Variants in TENM2 observed in about 807,000 individuals in gnomAD.
TENM2 encodes the protein teneurin transmembrane protein 2, also known as teneurin-2.
In TENM2, 52 loss-of-function variants were observed where a neutral mutation model predicts 245.2. That is an observed-to-expected ratio of 0.21 (90% confidence interval 0.17 to 0.27). The LOEUF (loss-of-function observed/expected upper bound fraction) is 0.27. Among genes scored for constraint, TENM2 ranks in the 10% least tolerant of loss-of-function variants. The pLI, the probability that TENM2 is intolerant of heterozygous loss-of-function variation, is 1.00. For synonymous variants in TENM2, 1,363 were observed against 1,438.9 expected, an observed-to-expected ratio of 0.95 and a Z score of 1.19; for missense variants, 3,046 against 3,666.8, an observed-to-expected ratio of 0.83 and a Z score of 4.37.
intron 2 of TENM2, among the ~76,000 whole-genome samples, chr5:167,809,789 C>A (rs562905786): frequency 1.3e-5 from 2 of 151,902 alleles, no homozygotes; most frequent in African/African-American, 2.4e-5. Context: ...CATTGAAATG[C>A]GATCTTTATA....
the TENM2 span, among the ~76,000 whole-genome samples, chr5:167,242,039 G>GTTTTTTTTTTTTTTTTTTTTTTTTTT: frequency 7.1e-6 from 1 of 140,190 alleles, no homozygotes; most frequent in Non-Finnish European, 1.6e-5. Context: ...TTCTTTTTTT[G>GTTTTTTTTTTTTTTTTTTTTTTTTTT]TTTTTTGTTT....
chr5:167,652,680 A>G (rs1026379418), intron 2 of TENM2, among the ~76,000 whole-genome samples: 7 of 151,942 alleles, frequency 4.6e-5, no homozygotes, highest in Non-Finnish European at 1.0e-4. Context: ...ACTCCTCTCC[A>G]TGTCTCTCTT....
the TENM2 span, among the ~76,000 whole-genome samples, chr5:167,239,384 T>C: frequency 2.6e-5 from 4 of 152,214 alleles, no homozygotes; most frequent in African/African-American, 9.6e-5. Context: ...CTGGGGCTGT[T>C]CTTTCTATCA....
chr5:167,823,009 A>T (rs1009667761), intron 2 of TENM2, among the ~76,000 whole-genome samples: 36 of 152,206 alleles, frequency 2.4e-4, no homozygotes, highest in Admixed American at 1.4e-3. Flanking sequence ...CTTTGGAAAA[A>T]AATAGGTAAA....
intron 17 of TENM2, among the ~76,000 whole-genome samples, chr5:168,201,825 G>T (rs1047144749): frequency 4.6e-5 from 7 of 151,616 alleles, no homozygotes; most frequent in Non-Finnish European, 8.8e-5. Flanking sequence ...GAAGAAATTG[G>T]GTTGTACAAT....
chr5:167,606,110 G>A (rs1214768704), intron 2 of TENM2, among the ~76,000 whole-genome samples: 3 of 152,168 alleles, frequency 2.0e-5, no homozygotes, highest in Non-Finnish European at 4.4e-5. Context: ...ATCTTTACCT[G>A]TGTTCATCCA....
At chr5:167,678,493 C>T (rs1247234154) in intron 2 of TENM2, among the ~76,000 whole-genome samples, 1 of 152,064 alleles carries the variant, frequency 6.6e-6, no homozygotes. Flanking sequence ...TCCCTCTGTC[C>T]TCCCACCGGA....
chr5:167,852,719 G>A (rs1770696928), intron 2 of TENM2, among the ~76,000 whole-genome samples: 1 of 151,996 alleles, frequency 6.6e-6, no homozygotes, highest in South Asian at 2.1e-4. Context: ...CTGCATGATC[G>A]GCTCTTTTAT....
the TENM2 span, among the ~76,000 whole-genome samples, chr5:167,005,669 T>G: frequency 5.6e-5 from 8 of 142,338 alleles, no homozygotes; most frequent in African/African-American, 7.9e-5. Context: ...TTTTTTTTTT[T>G]TTTTTTTTTT....
chr5:167,501,835 T>A (rs2127557422), intron 2 of TENM2, among the ~76,000 whole-genome samples: 1 of 152,240 alleles, frequency 6.6e-6, no homozygotes, highest in African/African-American at 2.4e-5. Flanking sequence ...AGTAATCAAT[T>A]ATTGCAACAG....
At chr5:168,199,685 G>T (rs896797388) in intron 16 of TENM2, among the ~76,000 whole-genome samples, 179 bp from the exon 19 acceptor site, 1 of 152,094 alleles carries the variant, frequency 6.6e-6, no homozygotes, top group South Asian at 2.1e-4. Flanking sequence ...ATCACTCTAT[G>T]GTGGAAGATA....
chr5:168,111,991 G>A (rs932414392), intron 9 of TENM2, among the ~76,000 whole-genome samples: 2 of 152,006 alleles, frequency 1.3e-5, no homozygotes, highest in Admixed American at 6.6e-5. Context: ...TGTAAAACAT[G>A]AGAAAAAAAT....
At chr5:168,251,519 C>T (rs1382792291) in intron 27 of TENM2, among the ~76,000 whole-genome samples, 4 of 152,192 alleles carry the variant, frequency 2.6e-5, no homozygotes, top group African/African-American at 4.8e-5. Flanking sequence ...GAGAAGGAGC[C>T]GGACCAGGCA....
chr5:168,214,347 G>C (rs1763011004), intron 20 of TENM2, among the ~76,000 whole-genome samples: 1 of 152,202 alleles, frequency 6.6e-6, no homozygotes, highest in African/African-American at 2.4e-5. Context: ...AGCCCTGGCA[G>C]ACCGTGGCTC....
At chr5:167,859,574 G>C (rs1286740391) in intron 2 of TENM2, among the ~76,000 whole-genome samples, 1 of 91,218 alleles carries the variant, frequency 1.1e-5, no homozygotes, top group Non-Finnish European at 2.3e-5. Context: ...TCAGCCCCCC[G>C]CCTGGCCAGC....
At chr5:167,963,819 G>A (rs942490207) in intron 4 of TENM2, among the ~76,000 whole-genome samples, 12 of 152,038 alleles carry the variant, frequency 7.9e-5, no homozygotes, top group African/African-American at 2.9e-4. Flanking sequence ...CATTGGAGGG[G>A]CTGATTAAGG....
chr5:167,387,693 T>G (rs181463373), intron 2 of TENM2, among the ~76,000 whole-genome samples: 1 of 152,128 alleles, frequency 6.6e-6, no homozygotes, highest in East Asian at 1.9e-4. Context: ...GTATGTCCCT[T>G]GTATGCTGAT....
chr5:167,189,600 G>A, the TENM2 span, among the ~76,000 whole-genome samples: 1 of 145,892 alleles, frequency 6.9e-6, no homozygotes, highest in Non-Finnish European at 1.5e-5. Context: ...AGACAGTCTC[G>A]CCCTGTCACC....
chr5:167,996,849 G>A (rs185422326), intron 5 of TENM2, among the ~76,000 whole-genome samples: 185 of 151,840 alleles, frequency 1.2e-3, no homozygotes, highest in African/African-American at 4.3e-3. Context: ...AGTGATTCTC[G>A]TGCCTCAGCC....
Sources: allele counts gnomAD v4.1 joint callset (sites outside exome capture counted in the v4.1 genomes callset), GRCh38; gene constraint gnomAD v4.1.1; transcripts MANE v1.5; gene names NCBI Gene and HGNC (gene_info 2026-07-23, HGNC 2026-07-21).